The following NTM variants were observed in gnomAD, a reference collection of about 807,000 sequenced individuals.
The protein encoded by NTM is IgLON family member 2.
Under a neutral mutation model 42.1 loss-of-function variants are expected in NTM, and 13 were observed. The observed-to-expected ratio is 0.31, with a 90% CI of 0.20 to 0.49. The LOEUF (loss-of-function observed/expected upper bound fraction) is 0.49. Ranked by LOEUF, NTM falls within the 20% of genes least tolerant of loss-of-function variation. The pLI is 0.99. For synonymous variants in NTM, 187 were observed against 179.2 expected, an observed-to-expected ratio of 1.04 and a Z score of -0.35; for missense variants, 373 against 452.8, an observed-to-expected ratio of 0.82 and a Z score of 1.60.
intron 1 of NTM, among the ~76,000 whole-genome samples, chr11:131,896,679 C>CT (rs71067345): frequency 0.036 from 3,576 of 100,548 alleles, 105 homozygotes; most frequent in South Asian, 0.057. Context: ...ACATTTTAGG[C>CT]TTTTTTTTTT....
At chr11:131,575,301 G>GC (rs1284470398) in intron 1 of NTM, among the ~76,000 whole-genome samples, 3 of 152,130 alleles carry the variant, frequency 2.0e-5, no homozygotes, top group Non-Finnish European at 4.4e-5. Context: ...GTGACAGGGA[G>GC]CCCCCCGTCA....
At chr11:131,753,110 C>G (rs1262714086) in intron 1 of NTM, among the ~76,000 whole-genome samples, 1 of 152,068 alleles carries the variant, frequency 6.6e-6, no homozygotes, top group South Asian at 2.1e-4. Context: ...CAAAAGAAGA[C>G]ATTTATGCAG....
intron 1 of NTM, among the ~76,000 whole-genome samples, chr11:131,482,297 C>T (rs146653466): frequency 6.6e-6 from 1 of 152,222 alleles, no homozygotes; most frequent in African/African-American, 2.4e-5. Context: ...TCCCCCCACC[C>T]ATCACAATCT....
intron 1 of NTM, among the ~76,000 whole-genome samples, chr11:131,554,980 T>TA (rs1311629822): frequency 6.6e-6 from 1 of 152,124 alleles, no homozygotes; most frequent in Admixed American, 6.6e-5. Context: ...TTAGGTCTTT[T>TA]AAAAAAGCTA....
chr11:131,540,169 T>G (rs923522559), intron 1 of NTM, among the ~76,000 whole-genome samples: 12 of 139,318 alleles, frequency 8.6e-5, no homozygotes, highest in Admixed American at 5.1e-4. Context: ...TTTTTTTTTT[T>G]TTTTTTTTTT....
intron 3 of NTM, among the ~76,000 whole-genome samples, chr11:132,169,673 C>T (rs1240986344): frequency 3.3e-5 from 5 of 152,032 alleles, no homozygotes; most frequent in Non-Finnish European, 7.4e-5. Flanking sequence ...CTGGCAGTAT[C>T]ATTGACTGAG....
chr11:132,283,082 G>C (rs770575950), intron 4 of NTM, among the ~76,000 whole-genome samples: 17 of 147,710 alleles, frequency 1.2e-4, no homozygotes, highest in Non-Finnish European at 2.1e-4. Flanking sequence ...CGCCTCCTGG[G>C]TTCAAGCGAT....
chr11:132,189,972 G>A (rs1375742035), intron 3 of NTM, among the ~76,000 whole-genome samples: 5 of 152,174 alleles, frequency 3.3e-5, no homozygotes, highest in Non-Finnish European at 7.3e-5. Context: ...GGGAATGATA[G>A]GTACATATAC....
rs773233050 is a variant in NTM, at chr11:131,521,383, C to CTTTTTTTTTTTTT, written c.82+150522_82+150534dup. ...AATGCAGAAGAAGCAAGGTGCCAGT[C>CTTTTTTTTTTTTT]TTTTTTTTTTTTTTTTTTTTTTTTT... On this transcript the variant is annotated intron_variant, in intron 1 of 8. Coordinates refer to ENST00000683400, the MANE Select transcript of NTM (RefSeq NM_001352005.2). Among the ~76,000 whole-genome samples the CTTTTTTTTTTTTT allele has an allele frequency of 8.7e-5, 4 of 45,756 alleles. 2 individuals carry two copies. Among genetic ancestry groups the CTTTTTTTTTTTTT allele is most frequent in the African/African-American group, 1.7e-4 (2 of 11,640 alleles). 30.0% of individuals were successfully genotyped at this position (45,756 alleles called of 152,430 possible).
At chr11:131,533,485 T>C (rs532241619) in intron 1 of NTM, among the ~76,000 whole-genome samples, 1 of 152,296 alleles carries the variant, frequency 6.6e-6, no homozygotes, top group Admixed American at 6.5e-5. Flanking sequence ...TCTGCTTAAA[T>C]GGCTTCTCTG....
rs763843796 is a variant in NTM at position 131,725,421 on chromosome 11, TG to T, written c.83-186141del. Among the ~76,000 whole-genome samples, 21 of 152,084 alleles carry T rather than the reference TG, an allele frequency of 1.4e-4. No individual in the cohort carries two copies. The South Asian group carries it at 1.9e-3, about 14-fold the overall frequency. ...AGTCAGAGAACAGGAAGGGTAGCCT[TG>T]GTGAGGGTGAGCCTGATTAGAAGTA... On this transcript the variant is annotated intron_variant, in intron 1 of 8. Coordinates refer to ENST00000683400, the MANE Select transcript of NTM (RefSeq NM_001352005.2).
At chr11:131,849,165 T>C (rs1174658409) in intron 1 of NTM, among the ~76,000 whole-genome samples, 2 of 152,174 alleles carry the variant, frequency 1.3e-5, no homozygotes, top group Non-Finnish European at 2.9e-5. Flanking sequence ...TAGAGGAAGA[T>C]AGTGACGTAG....
chr11:131,568,627 A>T (rs771455550), intron 1 of NTM, among the ~76,000 whole-genome samples: 1 of 152,132 alleles, frequency 6.6e-6, no homozygotes, highest in South Asian at 2.1e-4. Context: ...CAACACCACC[A>T]CTGAGACAAT....
chr11:132,143,300 C>A (rs1420740152), intron 2 of NTM, among the ~76,000 whole-genome samples: 2 of 152,170 alleles, frequency 1.3e-5, no homozygotes, highest in African/African-American at 2.4e-5. Flanking sequence ...CCAGGCCCTG[C>A]CTGGGCCTAC....
chr11:131,549,478 G>C (rs911710299), intron 1 of NTM, among the ~76,000 whole-genome samples: 4 of 152,144 alleles, frequency 2.6e-5, no homozygotes, highest in African/African-American at 9.7e-5. Flanking sequence ...CTGCCTACAA[G>C]ATGTGGGGCA....
intron 2 of NTM, among the ~76,000 whole-genome samples, chr11:131,959,616 A>G (rs2061921280): frequency 6.6e-6 from 1 of 152,178 alleles, no homozygotes. Flanking sequence ...AGCCTGAGTG[A>G]CAGAGTGTCT....
At chr11:131,574,612 TTAGG>T (rs3040139) in intron 1 of NTM, among the ~76,000 whole-genome samples, 91,430 of 151,158 alleles carry the variant, frequency 0.6, 27,966 homozygotes, top group African/African-American at 0.7. Context: ...TTACATTCAC[TTAGG>T]TAGGGATGGC....
intron 4 of NTM, among the ~76,000 whole-genome samples, chr11:132,298,823 G>T (rs961106585): frequency 6.6e-6 from 1 of 152,132 alleles, no homozygotes; most frequent in African/African-American, 2.4e-5. Flanking sequence ...ACTATCAAAT[G>T]AGTTCTTAAT....
intron 1 of NTM, among the ~76,000 whole-genome samples, chr11:131,878,444 G>A (rs1271746397): frequency 6.7e-6 from 1 of 150,262 alleles, no homozygotes; most frequent in Non-Finnish European, 1.5e-5. Context: ...GCATGGTGGC[G>A]CATGCCTCCC....
Sources: gnomAD v4.1 joint callset for allele counts (sites outside exome capture counted in the v4.1 genomes callset) on GRCh38, gnomAD v4.1.1 for gene constraint, MANE v1.5 for transcripts, NCBI Gene and HGNC (gene_info 2026-07-23, HGNC 2026-07-21) for gene names.